SUGCT: variants seen among roughly 807,000 people sequenced by gnomAD.
SUGCT encodes the protein succinyl-CoA:glutarate-CoA transferase.
SUGCT carries 41 observed loss-of-function variants against 55.0 expected under a neutral mutation model. That is an observed-to-expected ratio of 0.74 (90% confidence interval 0.58 to 0.97). The LOEUF is 0.97. Among genes scored for constraint, SUGCT ranks in the 50% least tolerant of loss-of-function variants. SUGCT has a pLI of 0.00. For synonymous variants in SUGCT, 187 were observed against 200.4 expected (o/e 0.93, Z 0.56); for missense variants, 568 against 547.8 (o/e 1.04, Z -0.37).
intron 9 of SUGCT, among the ~76,000 whole-genome samples, chr7:40,430,475 A>T (rs770521811): frequency 1.1e-4 from 17 of 152,192 alleles, no homozygotes; most frequent in Non-Finnish European, 8.8e-5. Context: ...TCTTTAGAGA[A>T]ATACCTGTTC....
intron 12 of SUGCT, among the ~76,000 whole-genome samples, chr7:40,601,098 T>C (rs112813376): frequency 6.6e-6 from 1 of 152,208 alleles, no homozygotes; most frequent in Non-Finnish European, 1.5e-5. Flanking sequence ...CTTATGGTAG[T>C]AGGCAAACAA....
At chr7:40,607,789 A>G (rs1470279194) in intron 12 of SUGCT, among the ~76,000 whole-genome samples, 1 of 152,224 alleles carries the variant, frequency 6.6e-6, no homozygotes, top group Non-Finnish European at 1.5e-5. Context: ...GGAGAAAAGT[A>G]TCCATTTTAG....
At chr7:40,533,830 A>G (rs537142130) in intron 12 of SUGCT, among the ~76,000 whole-genome samples, 2 of 152,320 alleles carry the variant, frequency 1.3e-5, no homozygotes, top group East Asian at 3.9e-4. Flanking sequence ...TTAAAAAGTT[A>G]CTCAGCTTCT....
intron 12 of SUGCT, among the ~76,000 whole-genome samples, chr7:40,608,985 A>G (rs746866730): frequency 2.0e-5 from 3 of 152,080 alleles, no homozygotes; most frequent in African/African-American, 2.4e-5. Flanking sequence ...TGGTTTTCTC[A>G]TTTAGAAAAA....
chr7:40,605,549 C>T (rs1798483850), intron 12 of SUGCT, among the ~76,000 whole-genome samples: 1 of 152,158 alleles, frequency 6.6e-6, no homozygotes, highest in African/African-American at 2.4e-5. Flanking sequence ...CATGAATGGG[C>T]ACCGACTATG....
intron 7 of SUGCT, among the ~76,000 whole-genome samples, chr7:40,244,242 G>A (rs1417518209): frequency 6.6e-6 from 1 of 152,142 alleles, no homozygotes; most frequent in Non-Finnish European, 1.5e-5. Context: ...TAAGGAAGCG[G>A]TGGGACTTGA....
At chr7:40,242,329 A>G (rs1245743235) in intron 7 of SUGCT, among the ~76,000 whole-genome samples, 1 of 151,908 alleles carries the variant, frequency 6.6e-6, no homozygotes, top group Non-Finnish European at 1.5e-5. Context: ...ATGTGCCACC[A>G]TGCCTGGCTA....
intron 12 of SUGCT, among the ~76,000 whole-genome samples, chr7:40,731,240 C>T (rs974166516): frequency 6.6e-6 from 1 of 152,194 alleles, no homozygotes; most frequent in African/African-American, 2.4e-5. Context: ...AACGAGGCTA[C>T]ATGGTCGAAC....
chr7:40,356,099 C>A (rs1219319391), intron 9 of SUGCT, among the ~76,000 whole-genome samples: 1 of 152,192 alleles, frequency 6.6e-6, no homozygotes, highest in East Asian at 1.9e-4. Context: ...ACTGTTGTAG[C>A]TTGAGTTCAG....
chr7:40,784,302 A>G (rs990900151), intron 13 of SUGCT, among the ~76,000 whole-genome samples: 1 of 152,146 alleles, frequency 6.6e-6, no homozygotes, highest in Non-Finnish European at 1.5e-5. Flanking sequence ...ATCATCTGAA[A>G]CTTAAGCTCC....
At chr7:40,435,945 C>CTTTTTT (rs11297778) in intron 9 of SUGCT, among the ~76,000 whole-genome samples, 1 of 114,570 alleles carries the variant, frequency 8.7e-6, no homozygotes, top group African/African-American at 3.2e-5. Flanking sequence ...CTTTTCTTTT[C>CTTTTTT]TTTTTTTTTT....
chr7:40,901,031 G>A, the SUGCT span, among the ~76,000 whole-genome samples: 1 of 152,188 alleles, frequency 6.6e-6, no homozygotes, highest in Non-Finnish European at 1.5e-5. Context: ...AGGTGGTGGG[G>A]AGTGAGGTAG....
At chr7:40,153,337 C>T in intron 1 of SUGCT, 2 of 360,076 alleles carry the variant, frequency 5.6e-6, no homozygotes, top group Non-Finnish European at 1.1e-5. Flanking sequence ...ATACTGCTTT[C>T]CCTCAAATGA....
chr7:40,181,733 G>A lies in SUGCT; in HGVS notation c.153-222G>A, dbSNP rs144631269. Among the ~76,000 whole-genome samples, 153 of 145,208 alleles carry A rather than the reference G, an allele frequency of 1.1e-3. 3 individuals carry two copies. In the East Asian group the frequency reaches 0.026, roughly 24 times the overall value. On this transcript the variant is annotated intron_variant, in intron 2 of 13. Coordinates refer to ENST00000335693, the MANE Select transcript of SUGCT (RefSeq NM_001193313.2). ...TGCACTCCAGCCTGGGTGACAGAGC[G>A]AGACTCCGTCTCCAAAAAAAAAAAA...
intron 12 of SUGCT, among the ~76,000 whole-genome samples, chr7:40,741,921 A>G (rs931720432): frequency 6.6e-6 from 1 of 152,238 alleles, no homozygotes; most frequent in Non-Finnish European, 1.5e-5. Context: ...AAGTAGAAAA[A>G]AAGAAAGGAA....
chr7:40,898,617 G>C, the SUGCT span, among the ~76,000 whole-genome samples: 1 of 152,010 alleles, frequency 6.6e-6, no homozygotes, highest in Non-Finnish European at 1.5e-5. Flanking sequence ...CTAGCTACGG[G>C]GGAAGCTGAG....
chr7:40,824,201 C>T (rs1319040319), intron 13 of SUGCT, among the ~76,000 whole-genome samples: 1 of 148,278 alleles, frequency 6.7e-6, no homozygotes, highest in African/African-American at 2.5e-5. Context: ...AAACCATATT[C>T]CTTGCTCAAA....
At chr7:40,855,489 A>C (rs1416503466) in intron 13 of SUGCT, among the ~76,000 whole-genome samples, 1 of 150,816 alleles carries the variant, frequency 6.6e-6, no homozygotes, top group African/African-American at 2.4e-5. Flanking sequence ...GTAAGTGCTA[A>C]ATCTTGTTTA....
intron 11 of SUGCT, among the ~76,000 whole-genome samples, chr7:40,470,231 G>A (rs1283084202): frequency 6.6e-6 from 1 of 151,962 alleles, no homozygotes. Context: ...TCCCTGTCCT[G>A]CCCAATTTCC....
Sources: allele counts gnomAD v4.1 joint callset (sites outside exome capture counted in the v4.1 genomes callset), GRCh38; gene constraint gnomAD v4.1.1; transcripts MANE v1.5; gene names NCBI Gene and HGNC (gene_info 2026-07-23, HGNC 2026-07-21).